JAG1: variants seen among roughly 807,000 people sequenced by gnomAD.
JAG1 encodes jagged canonical Notch ligand 1.
A neutral mutation model predicts 148.7 loss-of-function variants in JAG1; 23 were observed. That is an observed-to-expected ratio of 0.15 (90% confidence interval 0.11 to 0.22). The LOEUF (loss-of-function observed/expected upper bound fraction) is 0.22, where lower values mean the gene tolerates loss of function less well. JAG1 is among the 10% of genes least tolerant of loss of function. JAG1 has a pLI of 1.00. For synonymous variants in JAG1, 572 were observed against 598.3 expected (o/e 0.96, Z 0.64); for missense variants, 1,054 against 1,611.2 (o/e 0.65, Z 5.92).
intron 4 of JAG1, among the ~76,000 whole-genome samples, chr20:10,658,068 T>C (rs2067390061): frequency 6.6e-6 from 1 of 152,202 alleles, no homozygotes; most frequent in Non-Finnish European, 1.5e-5. Flanking sequence ...TGGAGTCTGA[T>C]TTCAGCCTAA....
At chr20:10,653,497 T>C (rs1447544273) in intron 5 of JAG1, among the ~76,000 whole-genome samples, 1 of 150,446 alleles carries the variant, frequency 6.6e-6, no homozygotes, top group Non-Finnish European at 1.5e-5. Flanking sequence ...GAAACTTTAA[T>C]TGCCTTCTCA....
chr20:10,648,970 T>C, intron 11 of JAG1, 91 bp downstream of exon 11: 1 of 1,145,448 alleles, frequency 8.7e-7, no homozygotes, highest in Non-Finnish European at 1.3e-6. Flanking sequence ...AATTTTTAAA[T>C]CTCACAGGGA....
chr20:10,649,171 A>C (rs142230581), intron 10 of JAG1, 64 bp from the exon 11 acceptor site: 1 of 1,093,048 alleles, frequency 9.1e-7, no homozygotes. Flanking sequence ...CTTAATTGAA[A>C]AGCCTTCTCA....
At position 10,658,734 on chromosome 20, in the gene JAG1, G is replaced by A. The variant is rs1370010692; in HGVS notation, c.440-12C>T. On this transcript the variant is annotated splice_polypyrimidine_tract_variant and intron_variant, in intron 3 of 25. Coordinates refer to ENST00000254958, the MANE Select transcript of JAG1 (RefSeq NM_000214.3). ...AATACTGTCAGGTTCTAGAGACAAA[G>A]TGATGAATCATGTTAATATTCACAT... 1 of 1,614,130 alleles carries A rather than the reference G, an allele frequency of 6.2e-7. No homozygotes were observed. The highest frequency in any genetic ancestry group is 1.1e-5 in the South Asian group (1 of 91,086).
At chr20:10,658,814 G>C (rs968652548) in intron 3 of JAG1, 92 bp from the exon 4 acceptor site, 11 of 1,355,322 alleles carry the variant, frequency 8.1e-6, no homozygotes, top group Admixed American at 3.5e-5. Flanking sequence ...ATATGCACCT[G>C]CTACAAAATT....
chr20:10,646,437 C>A, intron 14 of JAG1: 1 of 373,334 alleles, frequency 2.7e-6, no homozygotes. Flanking sequence ...TTGAACACGA[C>A]CTCAGTCTTA....
chr20:10,654,714 G>A (rs2096848757), intron 5 of JAG1, among the ~76,000 whole-genome samples: 1 of 152,160 alleles, frequency 6.6e-6, no homozygotes. Context: ...ATGATGTGTG[G>A]GAAAGTCGCA....
chr20:10,673,604 G>A lies in JAG1; in HGVS notation c.-74C>T. On this transcript the variant is annotated 5_prime_UTR_variant, in exon 1 of 26. It adds an upstream start codon to the 5' untranslated region. Coordinates refer to ENST00000254958, the MANE Select transcript of JAG1 (RefSeq NM_000214.3). This position sits in a 1 kb window ranked among gnomAD's most constrained non-coding sequence, Gnocchi z 4.7. ...CGCTGGTGCTGCCGCCGGTGCTGCC[G>A]TCGCCGCTGCCCCTGCGGCCGCCGC... is the stretch of plus-strand genomic sequence containing the variant. 4 of 843,076 alleles carry A rather than the reference G, an allele frequency of 4.7e-6. No homozygotes were observed. Among genetic ancestry groups the A allele is most frequent in the Admixed American group, 4.7e-5 (1 of 21,184 alleles). 52.2% of individuals were successfully genotyped at this position (843,076 alleles called of 1,614,324 possible). A position where few individuals can be genotyped will look rare whatever the true frequency, so the allele number is the denominator to read the frequency against.
Position 10,663,948 on chromosome 20 carries a change from A to G in JAG1, c.439+15T>C, listed in dbSNP as rs2067434332. ...CACGTGTGTTTAGAGAAAAGTCCAC[A>G]GAAGCGATACTTACGAACGGTGTCA... On this transcript the variant is annotated intron_variant, in intron 3 of 25. Transcript: ENST00000254958. 6 of 1,611,160 alleles carry G rather than the reference A, an allele frequency of 3.7e-6. No individual in the cohort carries two copies. The highest frequency in any genetic ancestry group is 5.1e-6 in the Non-Finnish European group (6 of 1,177,266).
Position 10,672,932 on chromosome 20 carries a change from C to T in JAG1, c.156G>A (p.Gly52=). The part of the protein sequence containing the change: ...MQNVNGELQN[G]NCCGGARNPG... ...GGTTCCGGGCGCCGCCGCAGCAGTT[C>T]CCGTTCTGCAGCTCCCCGTTCACGT... The change falls in exon 2 of 26, where the codon GGG becomes GGA. Residue 52 remains glycine (G), a synonymous_variant. Transcript: ENST00000254958. 2 of 1,613,196 alleles carry T rather than the reference C, an allele frequency of 1.2e-6. No homozygotes were observed. The highest frequency in any genetic ancestry group is 1.7e-6 in the Non-Finnish European group (2 of 1,180,004).
In JAG1 at chr20:10,652,064, T is replaced by G. The variant is rs1037815200; in HGVS notation, c.1006+67A>C. The G allele has an allele frequency of 6.4e-6, 10 of 1,562,462 alleles. No individual in the cohort carries two copies. The African/African-American group carries it at 1.4e-4, about 21-fold the overall frequency. ...TTTTTTCCTTAAACAAGTCCTTAAG[T>G]ATATTTTTTAAAAGCTGAGTACAGA... is the stretch of plus-strand genomic sequence containing the variant. On this transcript the variant is annotated intron_variant, in intron 7 of 25. Coordinates refer to ENST00000254958, the MANE Select transcript of JAG1 (RefSeq NM_000214.3).
rs751757335 is a variant in JAG1, at chr20:10,644,861, A to C, written c.2344+2T>G. Reference sequence around the variant, plus strand: ...GAGAGTTCAAGGGGGGAGGACACTCACTCTGAGCACAGATGGGCCCCTCCC... The same window carrying C: ...GAGAGTTCAAGGGGGGAGGACACTCCCTCTGAGCACAGATGGGCCCCTCCC... On this transcript the variant is annotated splice_donor_variant, in intron 18 of 25. Coordinates refer to ENST00000254958, the MANE Select transcript of JAG1 (RefSeq NM_000214.3). LOFTEE classifies it high-confidence loss of function. The C allele has an allele frequency of 6.2e-7, 1 of 1,607,720 alleles. No homozygotes were observed.
At chr20:10,641,354 A>T in intron 23 of JAG1, 106 bp downstream of exon 23, 1 of 1,537,376 alleles carries the variant, frequency 6.5e-7, no homozygotes, top group Non-Finnish European at 9.0e-7. Flanking sequence ...ATTATAAAAC[A>T]GGAATGTAAG....
rs142017684 is a variant in JAG1, at chr20:10,639,600, G to A, written c.3555C>T (p.Pro1185=). 2.6e-4 allele frequency: 416 copies of A among 1,614,198 alleles called. No individual in the cohort carries two copies. The highest frequency in any genetic ancestry group is 3.8e-4 in the Admixed American group (23 of 60,022). Residue 1185 remains proline (P), a synonymous_variant, in exon 26 of 26, where the codon CCC becomes CCT. Coordinates refer to ENST00000254958, the MANE Select transcript of JAG1 (RefSeq NM_000214.3). The part of the protein sequence containing the change: ...AYTLVDREEK[P]PNGTPTKHPN... ...GGTGTTTTGTCGGCGTGCCGTTGGGGGGCTTCTCTTCTCTGTCTACCAGCG... is the reference window on the plus strand; with the variant it reads ...GGTGTTTTGTCGGCGTGCCGTTGGGAGGCTTCTCTTCTCTGTCTACCAGCG...
chr20:10,672,646 C>A, intron 2 of JAG1, 55 bp downstream of exon 2: 1 of 1,560,366 alleles, frequency 6.4e-7, no homozygotes, highest in Non-Finnish European at 8.8e-7. Flanking sequence ...TAACAGGGCT[C>A]GGCCAGGCGC....
Position 10,644,937 on chromosome 20 carries a change from C to T in JAG1, c.2270G>A (p.Gly757Asp). The T allele has an allele frequency of 6.2e-7, 1 of 1,614,150 alleles. No individual in the cohort carries two copies. The highest frequency in any genetic ancestry group is 8.5e-7 in the Non-Finnish European group (1 of 1,179,998). The change falls in exon 18 of 26, where the codon GGC becomes GAC. Residue 757 changes from glycine (G) to aspartate (D), a missense_variant. Gly to Asp is a moderately conservative substitution (Grantham distance 94). Coordinates refer to ENST00000254958, the MANE Select transcript of JAG1 (RefSeq NM_000214.3). ...SCLPNPCHNG[G>D]TCVVNGESFT... ...GGACTCGCCGTTGACCACACATGTG[C>T]CCCCATTATGGCAGGGGTTGGGCAG...
Position 10,637,685 on chromosome 20 carries a change from G to A in JAG1, c.*1813C>T, listed in dbSNP as rs1273317933. 1.3e-5 allele frequency: 2 copies of A among 152,642 alleles called. No homozygotes were observed. The highest frequency in any genetic ancestry group is 6.5e-5 in the Admixed American group (1 of 15,286). 9.5% of individuals were successfully genotyped at this position (152,642 alleles called of 1,614,324 possible). On this transcript the variant is annotated 3_prime_UTR_variant, in exon 26 of 26. Transcript: ENST00000254958. Reference sequence around the variant, plus strand: ...CAAACAATTCACCTCGACACTACAGGCCATTAATCCAGTGGTGTTTATTCA... The same window carrying A: ...CAAACAATTCACCTCGACACTACAGACCATTAATCCAGTGGTGTTTATTCA...
chr20:10,652,056 T>C, intron 7 of JAG1, 75 bp downstream of exon 7: 1 of 1,520,514 alleles, frequency 6.6e-7, no homozygotes, highest in African/African-American at 1.4e-5. Context: ...CTTAAACAAG[T>C]CCTTAAGTAT....
rs55989800 is a variant in JAG1 at position 10,650,435 on chromosome 20, C to G, written c.1121-75G>C. 1,077 of 828,840 alleles carry G rather than the reference C, an allele frequency of 1.3e-3. 3 individuals carry two copies. Among genetic ancestry groups the G allele is most frequent in the Non-Finnish European group, 1.6e-3 (789 of 485,942 alleles). 51.3% of individuals were successfully genotyped at this position (828,840 alleles called of 1,614,324 possible). On this transcript the variant is annotated intron_variant, in intron 8 of 25. Transcript: ENST00000254958. ...ACAATTAGATCCTTTAACATCACCT[C>G]TTACATGAGGGGCTGTCATTGAAGA...
Sources: allele counts gnomAD v4.1 joint callset (sites outside exome capture counted in the v4.1 genomes callset), GRCh38; gene constraint gnomAD v4.1.1; non-coding constraint Gnocchi (gnomAD v3.1); transcripts MANE v1.5; gene names NCBI Gene and HGNC (gene_info 2026-07-23, HGNC 2026-07-21).